The following WWP2 variants were observed in gnomAD, a reference collection of about 807,000 sequenced individuals.
WWP2 encodes the protein WW domain containing E3 ubiquitin protein ligase 2, also known as NEDD4-like E3 ubiquitin-protein ligase WWP2.
In WWP2, 57 loss-of-function variants were observed where a neutral mutation model predicts 121.0. That is an observed-to-expected ratio of 0.47 (90% CI 0.38 to 0.59). The LOEUF (loss-of-function observed/expected upper bound fraction) is 0.59. WWP2 is among the 20% of genes least tolerant of loss of function. The pLI, the probability that WWP2 is intolerant of heterozygous loss-of-function variation, is 0.00. For synonymous variants in WWP2, 449 were observed against 441.3 expected (o/e 1.02, Z -0.22); for missense variants, 962 against 1,158.9 (o/e 0.83, Z 2.47).
chr16:69,782,033 A>G (rs2055674708), intron 1 of WWP2, among the ~76,000 whole-genome samples: 1 of 152,196 alleles, frequency 6.6e-6, no homozygotes, highest in Non-Finnish European at 1.5e-5. Context: ...CTGTAATCCC[A>G]GCACTTTGGG....
intron 1 of WWP2, among the ~76,000 whole-genome samples, chr16:69,767,413 C>G (rs1172067317): frequency 3.3e-5 from 5 of 152,152 alleles, no homozygotes; most frequent in Non-Finnish European, 7.4e-5. Context: ...GGTCCTTCTA[C>G]CACTTATCAT....
chr16:69,777,031 C>T (rs2055544616), intron 1 of WWP2, among the ~76,000 whole-genome samples: 1 of 151,110 alleles, frequency 6.6e-6, no homozygotes, highest in African/African-American at 2.4e-5. Context: ...TATCTTAAAA[C>T]AGTATATGTG....
rs529238341 is a variant in WWP2, at chr16:69,863,564, G to C, written c.576-8240G>C. ...CGAGGCAGGAGAATTGCTTGAACCTGGTGGGGGCAGAGGTTGTAGTGAGCC... is the reference window on the plus strand; with the variant it reads ...CGAGGCAGGAGAATTGCTTGAACCTCGTGGGGGCAGAGGTTGTAGTGAGCC... On this transcript the variant is annotated intron_variant, in intron 6 of 23. Coordinates refer to ENST00000359154, the MANE Select transcript of WWP2 (RefSeq NM_001270454.2). Among the ~76,000 whole-genome samples the C allele has an allele frequency of 3.3e-5, 5 of 152,032 alleles. No individual in the cohort carries two copies. In the East Asian group the frequency reaches 5.8e-4, roughly 18 times the overall value.
chr16:69,918,525 A>G (rs2058508965), intron 10 of WWP2, among the ~76,000 whole-genome samples: 1 of 152,252 alleles, frequency 6.6e-6, no homozygotes, highest in Non-Finnish European at 1.5e-5. Context: ...AAGTATCACA[A>G]TAAAGACTGT....
chr16:69,868,435 C>T (rs879588744), intron 6 of WWP2, among the ~76,000 whole-genome samples: 3 of 152,258 alleles, frequency 2.0e-5, no homozygotes, highest in East Asian at 1.9e-4. Flanking sequence ...TGCAGAGGGA[C>T]AGGGAACCCG....
chr16:69,881,816 C>T (rs538588984), intron 7 of WWP2, among the ~76,000 whole-genome samples: 2 of 152,298 alleles, frequency 1.3e-5, no homozygotes, highest in South Asian at 2.1e-4. Context: ...CTTAGCCTCC[C>T]GAGTAGCTGG....
At chr16:69,847,153 C>T (rs1055598580) in intron 6 of WWP2, among the ~76,000 whole-genome samples, 5 of 152,104 alleles carry the variant, frequency 3.3e-5, no homozygotes, top group Admixed American at 2.6e-4. Flanking sequence ...GCCACGATCT[C>T]GGCTCACTAT....
chr16:69,904,068 G>A (rs974745579), intron 8 of WWP2, among the ~76,000 whole-genome samples: 1 of 152,216 alleles, frequency 6.6e-6, no homozygotes, highest in Admixed American at 6.5e-5. Context: ...TGCCATTGGC[G>A]CTCAGCGCTT....
Position 69,925,399 on chromosome 16 carries a change from C to G in WWP2, c.1180-31C>G. 1.9e-6 allele frequency: 3 copies of G among 1,606,924 alleles called. No homozygotes were observed. Among genetic ancestry groups the G allele is most frequent in the Non-Finnish European group, 1.7e-6 (2 of 1,177,720 alleles). ...TTTTTCACCAGTGGCTTTTTGTAACCTCTGTGTTCTGCTGTGTTTCTTGTG... is the reference window on the plus strand; with the variant it reads ...TTTTTCACCAGTGGCTTTTTGTAACGTCTGTGTTCTGCTGTGTTTCTTGTG... On this transcript the variant is annotated intron_variant, in intron 10 of 23. Coordinates refer to ENST00000359154, the MANE Select transcript of WWP2 (RefSeq NM_001270454.2). This position sits in a 1 kb window ranked among gnomAD's most constrained non-coding sequence, Gnocchi z 4.0.
At chr16:69,903,716 C>T (rs1035328646) in intron 8 of WWP2, among the ~76,000 whole-genome samples, 3 of 148,328 alleles carry the variant, frequency 2.0e-5, no homozygotes, top group Non-Finnish European at 4.4e-5. Flanking sequence ...TGCAGTGAGC[C>T]GAGATTGCGC....
At chr16:69,821,026 C>T (rs2056584150) in intron 4 of WWP2, among the ~76,000 whole-genome samples, 1 of 152,254 alleles carries the variant, frequency 6.6e-6, no homozygotes, top group African/African-American at 2.4e-5. Context: ...GTTCCAGCCG[C>T]CAAATGCAAG....
chr16:69,904,160 A>G (rs1455558502), intron 8 of WWP2, among the ~76,000 whole-genome samples: 2 of 152,382 alleles, frequency 1.3e-5, no homozygotes, highest in East Asian at 3.9e-4. Flanking sequence ...TAAAGAGGGT[A>G]TCAGATTTGC....
intron 1 of WWP2, among the ~76,000 whole-genome samples, chr16:69,780,889 G>T (rs1230631382): frequency 6.6e-6 from 1 of 152,102 alleles, no homozygotes; most frequent in African/African-American, 2.4e-5. Context: ...TCAGCTGGAT[G>T]TGGTGGCAAA....
intron 7 of WWP2, among the ~76,000 whole-genome samples, chr16:69,872,897 G>A (rs1489924113): frequency 6.6e-6 from 1 of 152,180 alleles, no homozygotes; most frequent in African/African-American, 2.4e-5. Context: ...TCAGGACAGA[G>A]TCAAAAAGGA....
intron 8 of WWP2, among the ~76,000 whole-genome samples, chr16:69,903,569 C>A (rs142465753): frequency 6.6e-6 from 1 of 151,976 alleles, no homozygotes; most frequent in Admixed American, 6.6e-5. Context: ...AAGATCGAGA[C>A]CATCCTGGCC....
At chr16:69,803,162 T>C (rs1269884111) in intron 4 of WWP2, among the ~76,000 whole-genome samples, 3 of 152,094 alleles carry the variant, frequency 2.0e-5, no homozygotes, top group African/African-American at 7.2e-5. Context: ...CTGTTTCTTT[T>C]TGGCTGAATT....
intron 6 of WWP2, among the ~76,000 whole-genome samples, chr16:69,861,220 G>A (rs2057412242): frequency 6.6e-6 from 1 of 152,198 alleles, no homozygotes; most frequent in Non-Finnish European, 1.5e-5. Context: ...CAATGGCCAC[G>A]TTGAGCAGGT....
At chr16:69,846,645 C>T (rs946898594) in intron 6 of WWP2, among the ~76,000 whole-genome samples, 2 of 151,706 alleles carry the variant, frequency 1.3e-5, no homozygotes, top group African/African-American at 4.8e-5. Flanking sequence ...CACTTGAACC[C>T]CCGAGGTGGA....
At chr16:69,830,989 G>A (rs1006578819) in intron 4 of WWP2, among the ~76,000 whole-genome samples, 3 of 152,098 alleles carry the variant, frequency 2.0e-5, no homozygotes, top group African/African-American at 7.2e-5. Context: ...GAATGAACAC[G>A]GGCCTGTTAA....
Sources: gnomAD v4.1 joint callset for allele counts (sites outside exome capture counted in the v4.1 genomes callset) on GRCh38, gnomAD v4.1.1 for gene constraint, Gnocchi (gnomAD v3.1) non-coding constraint, MANE v1.5 for transcripts, NCBI Gene and HGNC (gene_info 2026-07-23, HGNC 2026-07-21) for gene names.